Variants in PPP2CB observed in about 807,000 individuals in gnomAD.
PPP2CB encodes the protein protein phosphatase 2 catalytic subunit beta, also known as serine/threonine-protein phosphatase 2A catalytic subunit beta isoform.
A neutral mutation model predicts 39.1 loss-of-function variants in PPP2CB; 18 were observed. That is an observed-to-expected ratio of 0.46 (90% CI 0.32 to 0.68). The LOEUF (loss-of-function observed/expected upper bound fraction) is 0.68, where lower values mean the gene tolerates loss of function less well. PPP2CB is among the 30% of genes least tolerant of loss of function. The pLI, the probability that PPP2CB is intolerant of heterozygous loss-of-function variation, is 0.04. For synonymous variants in PPP2CB, 129 were observed against 133.8 expected (o/e 0.96, Z 0.25); for missense variants, 226 against 396.9 (o/e 0.57, Z 3.66).
chr8:30,799,608 C>T lies in PPP2CB; in HGVS notation c.250G>A (p.Gly84Ser). The part of the protein sequence containing the change: ...KSPDTNYLFM[G>S]DYVDRGYYSV... ...TAATATCCTCTGTCTACATAGTCAC[C>T]CATGAATAAGTAGTTTGTATCCGGT... Residue 84 changes from glycine to serine, a missense_variant, in exon 2 of 7, where the codon GGT (glycine) becomes AGT (serine). By Grantham distance (56) the Gly-to-Ser change is moderately conservative (BLOSUM62 0). Transcript: ENST00000221138. 1 of 1,613,818 alleles carries T rather than the reference C, an allele frequency of 6.2e-7. No homozygotes were observed. Among genetic ancestry groups the T allele is most frequent in the Non-Finnish European group, 8.5e-7 (1 of 1,179,796 alleles).
intron 1 of PPP2CB, among the ~76,000 whole-genome samples, chr8:30,807,555 T>C (rs1327941494): frequency 1.3e-5 from 2 of 152,260 alleles, no homozygotes; most frequent in Non-Finnish European, 1.5e-5. Flanking sequence ...ATACGTACTT[T>C]ATAATCATCA....
chr8:30,803,693 C>T lies in PPP2CB; in HGVS notation c.103-3938G>A, dbSNP rs910748744. On this transcript the variant is annotated intron_variant, in intron 1 of 6. Coordinates refer to ENST00000221138, the MANE Select transcript of PPP2CB (RefSeq NM_001009552.2). ...GGAAAAGATGGACAATCAGACTATA[C>T]AAAAATGCTAAAACTTGCACAGTAA... Among the ~76,000 whole-genome samples the T allele has an allele frequency of 6.7e-4, 102 of 152,178 alleles. 1 individual carries two copies. The highest frequency in any genetic ancestry group is 2.4e-3 in the African/African-American group (99 of 41,518).
intron 6 of PPP2CB, among the ~76,000 whole-genome samples, chr8:30,789,503 T>C (rs547696468): frequency 6.6e-6 from 1 of 152,306 alleles, no homozygotes; most frequent in South Asian, 2.1e-4. Context: ...CTATCAAAGC[T>C]GAAGGAGTTT....
intron 1 of PPP2CB, among the ~76,000 whole-genome samples, chr8:30,803,905 C>T (rs1806673362): frequency 6.6e-6 from 1 of 151,968 alleles, no homozygotes; most frequent in African/African-American, 2.4e-5. Flanking sequence ...TCACTGCAAC[C>T]TCCGCCTCCT....
intron 5 of PPP2CB, among the ~76,000 whole-genome samples, chr8:30,792,923 T>C (rs1393563163): frequency 3.3e-5 from 5 of 152,210 alleles, no homozygotes; most frequent in Non-Finnish European, 7.3e-5. Context: ...TGCTCCCTTG[T>C]TTCTACTGGG....
In PPP2CB at chr8:30,812,455, A is replaced by G; in HGVS notation, c.-34T>C. On this transcript the variant is annotated 5_prime_UTR_variant, in exon 1 of 7. Transcript: ENST00000221138. ...GATCCCGATGCGGATCCCGAGCCCC[A>G]GCCCGGCCGCCGCCCTCCCCCCTCC... 1 of 1,442,518 alleles carries G rather than the reference A, an allele frequency of 6.9e-7. No homozygotes were observed. The highest frequency in any genetic ancestry group is 9.2e-7 in the Non-Finnish European group (1 of 1,086,284). The allele number at this position is 1,442,518 out of a possible 1,614,324, so 89.4% of individuals were successfully genotyped here. A position where few individuals can be genotyped will look rare whatever the true frequency, so the allele number is the denominator to read the frequency against.
intron 1 of PPP2CB, among the ~76,000 whole-genome samples, chr8:30,809,074 T>C (rs76520047): frequency 9.4e-5 from 14 of 149,336 alleles, no homozygotes; most frequent in African/African-American, 2.8e-4. Context: ...TACGCCCAGC[T>C]AATTTTTTTT....
At chr8:30,808,781 C>T (rs1806768512) in intron 1 of PPP2CB, among the ~76,000 whole-genome samples, 1 of 152,108 alleles carries the variant, frequency 6.6e-6, no homozygotes, top group Admixed American at 6.6e-5. Flanking sequence ...AGTATATTTA[C>T]CAAAGAAAAG....
intron 6 of PPP2CB, among the ~76,000 whole-genome samples, chr8:30,787,060 A>G (rs1806354591): frequency 6.6e-6 from 1 of 152,148 alleles, no homozygotes; most frequent in African/African-American, 2.4e-5. Flanking sequence ...TAATCCCTTA[A>G]TATTAATATG....
Position 30,793,956 on chromosome 8 carries a change from A to G in PPP2CB, c.699T>C (p.Gly233=). The part of the protein sequence containing the change: ...DISETFNHAN[G]LTLVSRAHQL... ...GGTGGGCACGAGAAACCAGTGTGAG[A>G]CCATTGGCATGGTTAAAGGTTTCAG... is the stretch of plus-strand genomic sequence containing the variant. The change falls in exon 5 of 7, where the codon GGT becomes GGC. Residue 233 remains glycine, a synonymous_variant. Transcript: ENST00000221138. 6.2e-7 allele frequency: 1 copy of G among 1,613,988 alleles called. No individual in the cohort carries two copies. The highest frequency in any genetic ancestry group is 8.5e-7 in the Non-Finnish European group (1 of 1,179,994).
At chr8:30,805,516 C>T (rs1481263268) in intron 1 of PPP2CB, among the ~76,000 whole-genome samples, 1 of 152,032 alleles carries the variant, frequency 6.6e-6, no homozygotes, top group African/African-American at 2.4e-5. Context: ...ACCGAGATGG[C>T]ACCACTGCAC....
At chr8:30,806,959 G>C (rs1276920381) in intron 1 of PPP2CB, among the ~76,000 whole-genome samples, 1 of 152,144 alleles carries the variant, frequency 6.6e-6, no homozygotes, top group Non-Finnish European at 1.5e-5. Flanking sequence ...ATATAAAGTA[G>C]AGAAATGTAA....
intron 6 of PPP2CB, among the ~76,000 whole-genome samples, chr8:30,789,276 C>T (rs1806391833): frequency 6.6e-6 from 1 of 152,088 alleles, no homozygotes; most frequent in African/African-American, 2.4e-5. Context: ...GTGATCCGCC[C>T]ACCTCGGCTT....
At chr8:30,806,157 C>T (rs1172290365) in intron 1 of PPP2CB, among the ~76,000 whole-genome samples, 1 of 151,268 alleles carries the variant, frequency 6.6e-6, no homozygotes, top group Non-Finnish European at 1.5e-5. Flanking sequence ...ACGCCATCCT[C>T]TTGCCTCAGC....
intron 2 of PPP2CB, among the ~76,000 whole-genome samples, chr8:30,798,828 T>A (rs1268213520): frequency 1.3e-5 from 2 of 152,178 alleles, no homozygotes; most frequent in African/African-American, 4.8e-5. Flanking sequence ...GCTAAAATGG[T>A]TGAAGGTTAC....
intron 5 of PPP2CB, among the ~76,000 whole-genome samples, chr8:30,792,179 C>T (rs1442783612): frequency 2.6e-5 from 4 of 151,758 alleles, no homozygotes; most frequent in Non-Finnish European, 5.9e-5. Context: ...GCCTCAGCCC[C>T]GAGTAGTTGG....
intron 1 of PPP2CB, among the ~76,000 whole-genome samples, chr8:30,802,719 A>G (rs578107611): frequency 1.3e-5 from 2 of 152,340 alleles, no homozygotes; most frequent in African/African-American, 2.4e-5. Context: ...TAAACTTCAA[A>G]ACAAATTCCA....
chr8:30,806,840 T>C (rs1156338417), intron 1 of PPP2CB, among the ~76,000 whole-genome samples: 1 of 152,212 alleles, frequency 6.6e-6, no homozygotes, highest in Non-Finnish European at 1.5e-5. Flanking sequence ...TGCAAATATC[T>C]TCACTTTATC....
intron 2 of PPP2CB, among the ~76,000 whole-genome samples, chr8:30,798,197 A>G (rs759715049): frequency 6.6e-6 from 1 of 152,218 alleles, no homozygotes; most frequent in Non-Finnish European, 1.5e-5. Flanking sequence ...TATTTCCCAC[A>G]GGAAGATTGG....
Sources: gnomAD v4.1 joint callset for allele counts (sites outside exome capture counted in the v4.1 genomes callset) on GRCh38, gnomAD v4.1.1 for gene constraint, MANE v1.5 for transcripts, NCBI Gene and HGNC (gene_info 2026-07-23, HGNC 2026-07-21) for gene names.